The following PDZRN4 variants were observed in gnomAD, a reference collection of about 807,000 sequenced individuals.
PDZRN4 encodes the protein PDZ domain-containing RING finger protein 4.
PDZRN4 carries 70 observed loss-of-function variants against 99.0 expected under a neutral mutation model. The observed-to-expected ratio is 0.71, with a 90% CI of 0.58 to 0.86. The LOEUF (loss-of-function observed/expected upper bound fraction) is 0.86. Ranked by LOEUF, PDZRN4 falls within the 40% of genes least tolerant of loss-of-function variation. PDZRN4 has a pLI of 0.00. For missense variants in PDZRN4, 1,474 were observed against 1,331.2 expected, an observed-to-expected ratio of 1.11 and a Z score of -1.67; for synonymous variants, 551 against 501.6, an observed-to-expected ratio of 1.10 and a Z score of -1.32.
chr12:41,262,582 A>G (rs1951247826), intron 3 of PDZRN4, among the ~76,000 whole-genome samples: 1 of 152,232 alleles, frequency 6.6e-6, no homozygotes, highest in Admixed American at 6.5e-5. Flanking sequence ...CAAAGATACA[A>G]CTTCCATTGA....
chr12:41,206,552 A>T (rs1055227665), intron 3 of PDZRN4, among the ~76,000 whole-genome samples: 2 of 151,284 alleles, frequency 1.3e-5, no homozygotes, highest in Admixed American at 6.6e-5. Context: ...AAATTAATAA[A>T]TTAATAATTT....
chr12:41,528,520 G>C (rs1023930211), intron 5 of PDZRN4, among the ~76,000 whole-genome samples: 1 of 152,100 alleles, frequency 6.6e-6, no homozygotes, highest in Non-Finnish European at 1.5e-5. Context: ...CCCACTGTGT[G>C]GTCATCAGCA....
At chr12:41,556,520 A>C (rs1939166610) in intron 7 of PDZRN4, among the ~76,000 whole-genome samples, 1 of 152,246 alleles carries the variant, frequency 6.6e-6, no homozygotes, top group Non-Finnish European at 1.5e-5. Context: ...TAAACGTAGA[A>C]AAGGTATAGT....
intron 3 of PDZRN4, among the ~76,000 whole-genome samples, chr12:41,255,960 C>T (rs1217850168): frequency 6.6e-6 from 1 of 152,132 alleles, no homozygotes; most frequent in Non-Finnish European, 1.5e-5. Context: ...CAAACACCTC[C>T]CACCAAGCCC....
At chr12:41,442,917 A>G (rs1051974360) in intron 3 of PDZRN4, among the ~76,000 whole-genome samples, 3 of 152,182 alleles carry the variant, frequency 2.0e-5, no homozygotes, top group African/African-American at 7.2e-5. Context: ...CCCCAGTTCC[A>G]ATACCTTCCT....
chr12:41,377,223 T>C (rs1206658664), intron 3 of PDZRN4, among the ~76,000 whole-genome samples: 2 of 152,186 alleles, frequency 1.3e-5, no homozygotes, highest in Non-Finnish European at 2.9e-5. Flanking sequence ...TCTTCTGTGG[T>C]TCCATATGAT....
At chr12:41,437,925 C>T (rs756287607) in intron 3 of PDZRN4, 3 of 1,613,874 alleles carry the variant, frequency 1.9e-6, no homozygotes, top group East Asian at 2.2e-5. Flanking sequence ...AAGATTTGCT[C>T]TCTCTCTCTG....
At chr12:41,427,099 C>CT (rs1243519861) in intron 3 of PDZRN4, among the ~76,000 whole-genome samples, 2 of 152,310 alleles carry the variant, frequency 1.3e-5, no homozygotes, top group African/African-American at 2.4e-5. Context: ...TTTCTACCTC[C>CT]TGTAACCATA....
At chr12:41,540,692 C>T (rs776314348) in intron 5 of PDZRN4, among the ~76,000 whole-genome samples, 23 of 151,830 alleles carry the variant, frequency 1.5e-4, no homozygotes, top group Non-Finnish European at 3.1e-4. Flanking sequence ...GTTAACATGC[C>T]CCAGATTCTT....
intron 3 of PDZRN4, among the ~76,000 whole-genome samples, chr12:41,245,276 C>T (rs574591987): frequency 1.3e-5 from 2 of 152,214 alleles, no homozygotes; most frequent in South Asian, 4.1e-4. Flanking sequence ...AGTGCAGCCT[C>T]CTGTTAGGCA....
intron 3 of PDZRN4, among the ~76,000 whole-genome samples, chr12:41,491,509 G>A (rs1438849088): frequency 2.0e-5 from 3 of 152,082 alleles, no homozygotes; most frequent in Non-Finnish European, 2.9e-5. Context: ...GCCACAGAGT[G>A]AGACTCCATC....
chr12:41,536,761 T>TAAAAAAAAAAAAAAAAAAAAAAA (rs59008796), intron 5 of PDZRN4, among the ~76,000 whole-genome samples: 2 of 137,354 alleles, frequency 1.5e-5, no homozygotes, highest in African/African-American at 2.7e-5. Flanking sequence ...TATTGAAAAG[T>TAAAAAAAAAAAAAAAAAAAAAAA]AAAAAAAAAA....
intron 3 of PDZRN4, among the ~76,000 whole-genome samples, chr12:41,330,436 G>A (rs949321148): frequency 6.7e-6 from 1 of 150,000 alleles, no homozygotes. Flanking sequence ...GTAAAATGGG[G>A]ATATTAAAAT....
In PDZRN4 at chr12:41,188,828, G is replaced by A. The variant is rs1404693133; in HGVS notation, c.373G>A (p.Gly125Ser). The A allele has an allele frequency of 2.3e-6, 3 of 1,288,334 alleles. No homozygotes were observed. The highest frequency in any genetic ancestry group is 2.9e-6 in the Non-Finnish European group (3 of 1,020,562). 79.8% of individuals were successfully genotyped at this position (1,288,334 alleles called of 1,614,324 possible). A position where few individuals can be genotyped will look rare whatever the true frequency, so the allele number is the denominator to read the frequency against. ...GGGCTGCGCTTCGGGGCTGGGCGGT[G>A]GTGAGGTGCCCGCGCGGGGGGGCTG... ...RGGCASGLGG[G>S]EVPARGGCGP... Residue 125 changes from glycine to serine, a missense_variant, in exon 1 of 10, where the codon GGT becomes AGT. Physicochemically the swap from Gly to Ser is moderately conservative, Grantham distance 56. Coordinates refer to ENST00000402685, the MANE Select transcript of PDZRN4 (RefSeq NM_001164595.2).
At chr12:41,304,171 C>T (rs1045283370) in intron 3 of PDZRN4, among the ~76,000 whole-genome samples, 4 of 152,148 alleles carry the variant, frequency 2.6e-5, no homozygotes, top group Admixed American at 6.5e-5. Context: ...GAAGAGTATG[C>T]TGTTTACATA....
chr12:41,236,983 G>A (rs1043540587), intron 3 of PDZRN4, among the ~76,000 whole-genome samples: 2 of 152,012 alleles, frequency 1.3e-5, no homozygotes, highest in African/African-American at 4.8e-5. Flanking sequence ...AAAAATGGAA[G>A]ACTGATAACA....
chr12:41,269,482 C>A (rs1951299491), intron 3 of PDZRN4, among the ~76,000 whole-genome samples: 1 of 152,038 alleles, frequency 6.6e-6, no homozygotes, highest in African/African-American at 2.4e-5. Context: ...CTGATGCATT[C>A]CCAATTACAA....
Position 41,261,038 on chromosome 12 carries a change from GA to G in PDZRN4, c.843+66853del, listed in dbSNP as rs745833059. ...TTAATTGAGTTAAATTGGTGATGCA[GA>G]AAGATGCACTATATTTATTATGTTG... On this transcript the variant is annotated intron_variant, in intron 3 of 9. Coordinates refer to ENST00000402685, the MANE Select transcript of PDZRN4 (RefSeq NM_001164595.2). 3.9e-5 allele frequency among the ~76,000 whole-genome samples: 6 copies of G among 152,200 alleles called. No homozygotes were observed. In the South Asian group the frequency reaches 8.3e-4, roughly 21 times the overall value.
At chr12:41,322,172 C>T (rs527379130) in intron 3 of PDZRN4, among the ~76,000 whole-genome samples, 17 of 152,176 alleles carry the variant, frequency 1.1e-4, no homozygotes, top group African/African-American at 4.1e-4. Context: ...GCTGGGACTA[C>T]AGGAACGTGC....
Sources: gnomAD v4.1 joint callset for allele counts (sites outside exome capture counted in the v4.1 genomes callset) on GRCh38, gnomAD v4.1.1 for gene constraint, MANE v1.5 for transcripts, NCBI Gene and HGNC (gene_info 2026-07-23, HGNC 2026-07-21) for gene names.